EYS: variants seen among roughly 807,000 people sequenced by gnomAD.
EYS encodes the protein protein eyes shut homolog.
EYS carries 250 observed loss-of-function variants against 282.1 expected under a neutral mutation model. That is an observed-to-expected ratio of 0.89 (90% CI 0.80 to 0.98). EYS has a LOEUF of 0.98. Ranked by LOEUF, EYS falls within the 50% of genes least tolerant of loss-of-function variation. EYS has a pLI of 0.00. For synonymous variants in EYS, 1,355 were observed against 1,282.9 expected, an observed-to-expected ratio of 1.06 and a Z score of -1.20; for missense variants, 4,016 against 3,709.0, an observed-to-expected ratio of 1.08 and a Z score of -2.15.
chr6:64,955,339 T>C (rs150521633), intron 14 of EYS, among the ~76,000 whole-genome samples: 49 of 150,042 alleles, frequency 3.3e-4, no homozygotes, highest in Non-Finnish European at 5.5e-4. Flanking sequence ...ATCAAAAAAA[T>C]GAAAAAAAAA....
intron 12 of EYS, among the ~76,000 whole-genome samples, chr6:65,186,311 A>G (rs1445059137): frequency 6.6e-6 from 1 of 151,804 alleles, no homozygotes; most frequent in African/African-American, 2.4e-5. Context: ...ATCACGTTTC[A>G]TACGAAAAAT....
intron 37 of EYS, chr6:63,797,727 G>C (rs549321355): frequency 6.6e-6 from 1 of 152,214 alleles, no homozygotes; most frequent in African/African-American, 2.4e-5. Flanking sequence ...CTACCTCATG[G>C]GATTAAAACC....
chr6:65,018,385 G>T (rs184752673), intron 13 of EYS, among the ~76,000 whole-genome samples: 53 of 152,182 alleles, frequency 3.5e-4, no homozygotes, highest in Middle Eastern at 6.8e-3. Context: ...GCATCACCCT[G>T]ATCTCTACCT....
intron 5 of EYS, among the ~76,000 whole-genome samples, chr6:65,417,438 G>A (rs1278564210): frequency 6.6e-6 from 1 of 151,972 alleles, no homozygotes; most frequent in Non-Finnish European, 1.5e-5. Context: ...TCACCACTCA[G>A]CTCTTCCACT....
At chr6:65,585,326 T>G (rs1765007837) in intron 2 of EYS, among the ~76,000 whole-genome samples, 1 of 151,960 alleles carries the variant, frequency 6.6e-6, no homozygotes, top group South Asian at 2.1e-4. Context: ...ATTATTTATT[T>G]AAATGAATGA....
rs554835782 is a variant in EYS, at chr6:64,550,579, T to C, written c.5644+39644A>G. 5.9e-5 allele frequency among the ~76,000 whole-genome samples: 9 copies of C among 152,268 alleles called. No individual in the cohort carries two copies. In the East Asian group the frequency reaches 1.7e-3, roughly 29 times the overall value. ...AGACAGATGCCCTCTCTCACCACTC[T>C]TATTCAACATAATGTTGGAAGTTCT... is the stretch of plus-strand genomic sequence containing the variant. On this transcript the variant is annotated intron_variant, in intron 26 of 42. Transcript: ENST00000503581.
chr6:65,603,914 T>C (rs9351514), intron 2 of EYS, among the ~76,000 whole-genome samples: 4,848 of 151,990 alleles, frequency 0.032, 314 homozygotes, highest in East Asian at 0.3. Context: ...AGTAGAAAAA[T>C]TGTCATACAG....
intron 30 of EYS, among the ~76,000 whole-genome samples, chr6:64,305,235 A>G (rs1347682872): frequency 6.6e-6 from 1 of 152,206 alleles, no homozygotes; most frequent in African/African-American, 2.4e-5. Context: ...CTACAATAGA[A>G]ACTACTAAAC....
chr6:65,452,597 C>CA (rs1448504014), intron 5 of EYS, among the ~76,000 whole-genome samples: 1 of 151,880 alleles, frequency 6.6e-6, no homozygotes, highest in East Asian at 1.9e-4. Context: ...TGCCTAAAAT[C>CA]AAAATGTCAT....
chr6:65,180,043 A>G (rs1765334478), intron 12 of EYS, among the ~76,000 whole-genome samples: 1 of 151,146 alleles, frequency 6.6e-6, no homozygotes, highest in Middle Eastern at 3.5e-3. Flanking sequence ...CTACGTATTG[A>G]TGGGACGTAT....
At chr6:64,950,436 T>C (rs1454000339) in intron 14 of EYS, among the ~76,000 whole-genome samples, 1 of 151,808 alleles carries the variant, frequency 6.6e-6, no homozygotes, top group African/African-American at 2.4e-5. Flanking sequence ...TTAGCCAATG[T>C]TTTTAGGATC....
At chr6:63,766,307 C>T (rs529653375) in intron 40 of EYS, among the ~76,000 whole-genome samples, 1 of 152,050 alleles carries the variant, frequency 6.6e-6, no homozygotes, top group South Asian at 2.1e-4. Flanking sequence ...TTTTCTGACC[C>T]CGGCACTCTA....
At chr6:65,705,232 C>A (rs1305381501) in intron 1 of EYS, among the ~76,000 whole-genome samples, 1 of 152,170 alleles carries the variant, frequency 6.6e-6, no homozygotes, top group Non-Finnish European at 1.5e-5. Context: ...GAGCAATTAA[C>A]TCTTTGGCTA....
intron 1 of EYS, among the ~76,000 whole-genome samples, chr6:65,704,631 A>C (rs897161804): frequency 6.6e-6 from 1 of 152,222 alleles, no homozygotes; most frequent in Non-Finnish European, 1.5e-5. Context: ...ATTTCTCAGT[A>C]GCTTTCCCAA....
chr6:65,253,150 A>T (rs1161894470), intron 12 of EYS, among the ~76,000 whole-genome samples: 1 of 152,036 alleles, frequency 6.6e-6, no homozygotes, highest in Non-Finnish European at 1.5e-5. Context: ...AACCCTTCAG[A>T]CACATCAGAA....
intron 31 of EYS, among the ~76,000 whole-genome samples, chr6:64,219,669 A>G (rs1202607808): frequency 6.6e-6 from 1 of 152,124 alleles, no homozygotes; most frequent in Non-Finnish European, 1.5e-5. Flanking sequence ...AAGTGTTCCT[A>G]TTTCTCCATA....
chr6:64,314,137 G>C (rs1412887323), intron 29 of EYS, among the ~76,000 whole-genome samples: 1 of 124,400 alleles, frequency 8.0e-6, no homozygotes, highest in Non-Finnish European at 1.6e-5. Context: ...CATGTGCAGA[G>C]ACACACACAG....
At chr6:64,168,264 A>C (rs1317731990) in intron 31 of EYS, among the ~76,000 whole-genome samples, 23 of 152,168 alleles carry the variant, frequency 1.5e-4, no homozygotes, top group Non-Finnish European at 2.8e-4. Flanking sequence ...CCATTTCAAT[A>C]AATAAATAAA....
chr6:65,101,884 AT>A (rs1774903516), intron 12 of EYS, among the ~76,000 whole-genome samples: 1 of 151,226 alleles, frequency 6.6e-6, no homozygotes, highest in Non-Finnish European at 1.5e-5. Context: ...AGTGCTCGCT[AT>A]CCAAAATCAT....
Sources: gnomAD v4.1 joint callset for allele counts (sites outside exome capture counted in the v4.1 genomes callset) on GRCh38, gnomAD v4.1.1 for gene constraint, MANE v1.5 for transcripts, NCBI Gene and HGNC (gene_info 2026-07-23, HGNC 2026-07-21) for gene names.